RNF19B: variants seen among roughly 807,000 people sequenced by gnomAD.
RNF19B encodes the protein E3 ubiquitin-protein ligase RNF19B.
A neutral mutation model predicts 65.5 loss-of-function variants in RNF19B; 23 were observed. The observed-to-expected ratio is 0.35, with a 90% CI of 0.25 to 0.50. The LOEUF (loss-of-function observed/expected upper bound fraction) is 0.50. Ranked by LOEUF, RNF19B falls within the 20% of genes least tolerant of loss-of-function variation. The probability of loss-of-function intolerance (pLI) is 0.98; values close to 1 mark genes in which losing one functional copy is unlikely to be tolerated. For missense variants in RNF19B, 794 were observed against 980.0 expected (o/e 0.81, Z 2.53); for synonymous variants, 372 against 379.6 (o/e 0.98, Z 0.23).
At chr1:32,933,721 C>T (rs1570067460), downstream of RNF19B, among the ~76,000 whole-genome samples, 1 of 152,160 alleles carries the variant, frequency 6.6e-6, no homozygotes, top group East Asian at 1.9e-4. Flanking sequence ...CTAAAATCTC[C>T]TTTAACTCAT....
At chr1:32,934,053 CCT>C (rs1169772614), downstream of RNF19B, among the ~76,000 whole-genome samples, 1 of 152,184 alleles carries the variant, frequency 6.6e-6, no homozygotes, top group East Asian at 1.9e-4. Flanking sequence ...AGGCTGTCTG[CCT>C]CTTTTTCCAA....
At chr1:32,935,419 G>A (rs554396501), downstream of RNF19B, among the ~76,000 whole-genome samples, 6 of 152,286 alleles carry the variant, frequency 3.9e-5, no homozygotes, top group South Asian at 2.1e-4. Flanking sequence ...GATTACAGGC[G>A]TGAGCCACTG....
chr1:32,948,127 G>T, intron 3 of RNF19B, 95 bp downstream of exon 3: 1 of 1,348,950 alleles, frequency 7.4e-7, no homozygotes, highest in Non-Finnish European at 1.0e-6. Context: ...CCTTAAACCT[G>T]TAATGAGAGA....
chr1:32,953,804 A>G (rs1273123173), intron 1 of RNF19B, among the ~76,000 whole-genome samples: 1 of 151,978 alleles, frequency 6.6e-6, no homozygotes, highest in Non-Finnish European at 1.5e-5. Flanking sequence ...ATACAAATTA[A>G]GTGGACATCC....
At chr1:32,955,377 A>T (rs935070295) in intron 1 of RNF19B, among the ~76,000 whole-genome samples, 2 of 151,902 alleles carry the variant, frequency 1.3e-5, no homozygotes, top group Non-Finnish European at 2.9e-5. Context: ...ATATAAACCC[A>T]CTTTAGTGGT....
At chr1:32,932,152 C>T (rs987202156), downstream of RNF19B, among the ~76,000 whole-genome samples, 1 of 152,218 alleles carries the variant, frequency 6.6e-6, no homozygotes, top group Non-Finnish European at 1.5e-5. Flanking sequence ...TGGCCATAGG[C>T]TGGGCCTCCA....
Position 32,942,450 on chromosome 1 carries a change from G to C in RNF19B, c.1412C>G (p.Ala471Gly). ...GCTGGGATTCTTGAGGGCTCTCCAG[G>C]CATCTGCCACTGGGGATAGAACCAA... ...EDDGPITVAD[A>G]WRALKNPSIG... Residue 471 changes from alanine to glycine, a missense_variant, in exon 7 of 9, where the codon GCC (alanine) becomes GGC (glycine). Ala to Gly is a moderately conservative substitution (Grantham distance 60). Transcript: ENST00000235150. The C allele has an allele frequency of 2.5e-6, 4 of 1,613,786 alleles. No homozygotes were observed. Among genetic ancestry groups the C allele is most frequent in the Non-Finnish European group, 3.4e-6 (4 of 1,179,708 alleles).
Position 32,936,766 on chromosome 1 carries a change from T to C in RNF19B, c.*40A>G. ...AAAAAAAAAATTCCAAAAGATGCAG[T>C]TACAAGTGTGCTTCTCAGAACAGGA... On this transcript the variant is annotated 3_prime_UTR_variant, in exon 9 of 9. Transcript: ENST00000235150. The C allele has an allele frequency of 6.8e-7, 1 of 1,463,432 alleles. No homozygotes were observed. Among genetic ancestry groups the C allele is most frequent in the Non-Finnish European group, 9.1e-7 (1 of 1,103,636 alleles). 90.7% of individuals were successfully genotyped at this position (1,463,432 alleles called of 1,614,324 possible).
At chr1:32,949,796 G>C (rs754894699) in intron 1 of RNF19B, 22 bp from the exon 2 acceptor site, 2 of 1,579,834 alleles carry the variant, frequency 1.3e-6, no homozygotes, top group African/African-American at 1.4e-5. Flanking sequence ...AACAGTAAGA[G>C]ATACCAGTAA....
rs1557585814 is a variant in RNF19B at position 32,964,149 on chromosome 1, G to C, written c.537C>G (p.Leu179=). Residue 179 remains leucine, a synonymous_variant, in exon 1 of 9, where the codon CTC becomes CTG. Coordinates refer to ENST00000235150, the MANE Select transcript of RNF19B (RefSeq NM_001300826.2). This position sits in a 1 kb window ranked among gnomAD's most constrained non-coding sequence, Gnocchi z 6.5. ...RLNPHDIRLL[L]ADPPLMHKYE... is the part of the protein sequence containing the mutation. ...ACTTGTGCATAAGCGGCGGGTCGGCGAGCAGCAAGCGGATGTCGTGCGGGT... is the reference window on the plus strand; with the variant it reads ...ACTTGTGCATAAGCGGCGGGTCGGCCAGCAGCAAGCGGATGTCGTGCGGGT... The C allele has an allele frequency of 6.5e-6, 10 of 1,544,256 alleles. No homozygotes were observed. Among genetic ancestry groups the C allele is most frequent in the Non-Finnish European group, 8.7e-6 (10 of 1,144,496 alleles).
chr1:32,931,024 G>A, the RNF19B span, among the ~76,000 whole-genome samples: 1 of 151,754 alleles, frequency 6.6e-6, no homozygotes, highest in Non-Finnish European at 1.5e-5. Context: ...GGAAGCAGAG[G>A]TTGCAGTGAG....
In RNF19B at chr1:32,955,433, G is replaced by GA. The variant is rs200076960; in HGVS notation, c.636-5660dup. Among the ~76,000 whole-genome samples the GA allele has an allele frequency of 1.1e-3, 167 of 148,048 alleles. 2 individuals carry two copies. Among genetic ancestry groups the GA allele is most frequent in the Admixed American group, 4.0e-3 (59 of 14,776 alleles). ...CGGTAATCTTCTTCCCGAATAGTTG[G>GA]AAAAAAAAAACCTCGCCTGGGCATG... On this transcript the variant is annotated intron_variant, in intron 1 of 8. Coordinates refer to ENST00000235150, the MANE Select transcript of RNF19B (RefSeq NM_001300826.2).
At chr1:32,943,338 G>A (rs1041200002) in intron 6 of RNF19B, among the ~76,000 whole-genome samples, 1 of 151,954 alleles carries the variant, frequency 6.6e-6, no homozygotes, top group Non-Finnish European at 1.5e-5. Context: ...TAGGCCAGAT[G>A]TGGTGGCTCA....
intron 1 of RNF19B, among the ~76,000 whole-genome samples, chr1:32,961,738 T>G (rs1287307847): frequency 6.6e-6 from 1 of 152,084 alleles, no homozygotes; most frequent in African/African-American, 2.4e-5. Flanking sequence ...TTGGCTAAAA[T>G]AAGAAATGGC....
intron 8 of RNF19B, 161 bp from the exon 9 acceptor site, chr1:32,937,420 A>C: frequency 5.3e-6 from 6 of 1,123,180 alleles, no homozygotes; most frequent in East Asian, 2.6e-5. Flanking sequence ...TAACACTCAA[A>C]TGAGATGGAG....
At chr1:32,956,281 G>A (rs2124175938) in intron 1 of RNF19B, among the ~76,000 whole-genome samples, 1 of 152,346 alleles carries the variant, frequency 6.6e-6, no homozygotes, top group East Asian at 1.9e-4. Flanking sequence ...GGAGGCTGAG[G>A]CAGGAGAATC....
At chr1:32,953,981 T>C (rs140197272) in intron 1 of RNF19B, among the ~76,000 whole-genome samples, 2,184 of 149,322 alleles carry the variant, frequency 0.015, 39 homozygotes, top group Non-Finnish European at 0.021. Flanking sequence ...TGCTCTCGGC[T>C]TACTGCAACC....
intron 1 of RNF19B, among the ~76,000 whole-genome samples, chr1:32,955,179 T>C (rs1006722549): frequency 6.6e-6 from 1 of 152,062 alleles, no homozygotes; most frequent in Admixed American, 6.6e-5. Context: ...AGTATACTGG[T>C]TCATGCTCAA....
Position 32,936,809 on chromosome 1 carries a change from T to C in RNF19B, c.2193A>G (p.Val731=). Residue 731 remains valine (V), a synonymous_variant, in exon 9 of 9, where the codon GTA becomes GTG. Transcript: ENST00000235150. ...GAACAGGAGCATTCATTCCACTTCA[T>C]ACTCTGGCTTCTCCACCTTCTGGCT... ...VLKPEGGEAR[V] is the part of the protein sequence containing the mutation. The C allele has an allele frequency of 1.3e-6, 2 of 1,555,778 alleles. No individual in the cohort carries two copies. Among genetic ancestry groups the C allele is most frequent in the Non-Finnish European group, 8.7e-7 (1 of 1,148,876 alleles).
Sources: gnomAD v4.1 joint callset for allele counts (sites outside exome capture counted in the v4.1 genomes callset) on GRCh38, gnomAD v4.1.1 for gene constraint, Gnocchi (gnomAD v3.1) non-coding constraint, MANE v1.5 for transcripts, NCBI Gene and HGNC (gene_info 2026-07-23, HGNC 2026-07-21) for gene names.